Variants in SLC5A2 observed in about 807,000 individuals in gnomAD.
SLC5A2 encodes the protein solute carrier family 5 member 2, also known as sodium/glucose cotransporter 2.
SLC5A2 carries 67 observed loss-of-function variants against 69.0 expected under a neutral mutation model. The ratio of observed to expected loss-of-function variants is 0.97; its 90% CI spans 0.80 to 1.19. The LOEUF (loss-of-function observed/expected upper bound fraction) is 1.19, where lower values mean the gene tolerates loss of function less well. SLC5A2 is among the 50% of genes most tolerant of loss of function. The pLI, the probability that SLC5A2 is intolerant of heterozygous loss-of-function variation, is 0.00. For missense variants in SLC5A2, 1,001 were observed against 921.5 expected (o/e 1.09, Z -1.12); for synonymous variants, 455 against 395.8 (o/e 1.15, Z -1.78).
rs1798759878 is a variant in SLC5A2, at chr16:31,487,763, C to T, written c.885+4C>T. On this transcript the variant is annotated splice_donor_region_variant and intron_variant, in intron 7 of 13. Transcript: ENST00000330498. Reference sequence around the variant, plus strand: ...CTGGTACTGGTGCAGCGACCAGGTGCGGGTATAGGGCTGCGCCTGCAGTGA... The same window carrying T: ...CTGGTACTGGTGCAGCGACCAGGTGTGGGTATAGGGCTGCGCCTGCAGTGA... 1 of 1,605,866 alleles carries T rather than the reference C, an allele frequency of 6.2e-7. No homozygotes were observed. The highest frequency in any genetic ancestry group is 8.5e-7 in the Non-Finnish European group (1 of 1,177,856).
chr16:31,490,431 C>T lies in SLC5A2; in HGVS notation c.1915C>T (p.Arg639Trp), dbSNP rs139986790. The change falls in exon 14 of 14, where the codon CGG becomes TGG. Residue 639 changes from arginine (R) to tryptophan (W), a missense_variant. By Grantham distance (101) the Arg-to-Trp change is moderately radical. Transcript: ENST00000330498. ...TQEEAAAAAR[R>W]LEDISEDPSW... ...GGAGGAGGCAGCGGCAGCAGCCAGGCGGCTGGAGGACATCAGCGAGGACCC... is the reference window on the plus strand; with the variant it reads ...GGAGGAGGCAGCGGCAGCAGCCAGGTGGCTGGAGGACATCAGCGAGGACCC... The T allele has an allele frequency of 1.5e-5, 25 of 1,613,590 alleles. No homozygotes were observed. The African/African-American group carries it at 1.7e-4, about 11-fold the overall frequency.
chr16:31,488,610 G>C lies in SLC5A2; in HGVS notation c.1130-12G>C. On this transcript the variant is annotated splice_polypyrimidine_tract_variant and intron_variant, in intron 9 of 13. Coordinates refer to ENST00000330498, the MANE Select transcript of SLC5A2 (RefSeq NM_003041.4). ...CAGTGGCCCCAGCCTCACGGCTGCC[G>C]TCGGCCCGCAGGTCTGCGCGGACTC... 1 of 1,609,462 alleles carries C rather than the reference G, an allele frequency of 6.2e-7. No homozygotes were observed.
rs2082468663 is a variant in SLC5A2, at chr16:31,483,132, G to C, written c.-5G>C. The C allele has an allele frequency of 1.9e-6, 3 of 1,613,942 alleles. No homozygotes were observed. Among genetic ancestry groups the C allele is most frequent in the Non-Finnish European group, 2.5e-6 (3 of 1,180,016 alleles). On this transcript the variant is annotated 5_prime_UTR_variant, in exon 1 of 14. Coordinates refer to ENST00000330498, the MANE Select transcript of SLC5A2 (RefSeq NM_003041.4). ...GGTTCCTGGATGGGGCAGATCCTGG[G>C]GAGAATGGAGGAGCACACAGAGGCA...
rs1228648834 is a variant in SLC5A2, at chr16:31,486,208, T to C, written c.507T>C (p.Ala169=). Reference sequence around the variant, plus strand: ...CCGGAGCTGTATTCATCCAGCAGGCTCTGGGCTGGAACATCTATGCCTCCG... The same window carrying C: ...CCGGAGCTGTATTCATCCAGCAGGCCCTGGGCTGGAACATCTATGCCTCCG... ...MFSGAVFIQQ[A]LGWNIYASVI... The change falls in exon 5 of 14, where the codon GCT becomes GCC. Residue 169 remains alanine (A), a synonymous_variant. Coordinates refer to ENST00000330498, the MANE Select transcript of SLC5A2 (RefSeq NM_003041.4). 4 of 1,613,826 alleles carry C rather than the reference T, an allele frequency of 2.5e-6. No individual in the cohort carries two copies. The highest frequency in any genetic ancestry group is 3.4e-6 in the Non-Finnish European group (4 of 1,179,838).
chr16:31,488,946 C>G lies in SLC5A2; in HGVS notation c.1347C>G (p.Gly449=), dbSNP rs1178796669. Residue 449 remains glycine, a synonymous_variant, in exon 11 of 14, where the codon GGC becomes GGG. Coordinates refer to ENST00000330498, the MANE Select transcript of SLC5A2 (RefSeq NM_003041.4). ...TTCCCGTGGTGCAGGCGGCACAGGGCGGGCAGCTCTTCGATTACATCCAGG... is the reference window on the plus strand; with the variant it reads ...TTCCCGTGGTGCAGGCGGCACAGGGGGGGCAGCTCTTCGATTACATCCAGG... The part of the protein sequence containing the change: ...AWLPVVQAAQ[G]GQLFDYIQAV... The G allele has an allele frequency of 6.2e-7, 1 of 1,603,828 alleles. No homozygotes were observed. The highest frequency in any genetic ancestry group is 2.2e-5 in the East Asian group (1 of 44,864).
intron 10 of SLC5A2, 34 bp from the exon 11 acceptor site, chr16:31,488,846 G>A: frequency 6.2e-7 from 1 of 1,602,526 alleles, no homozygotes. Context: ...GGGGAGCCCA[G>A]GGTCCGGGTT....
At chr16:31,484,770 G>T (rs751436151) in intron 2 of SLC5A2, 26 bp downstream of exon 2, 4 of 1,611,072 alleles carry the variant, frequency 2.5e-6, no homozygotes, top group Non-Finnish European at 3.4e-6. Flanking sequence ...CCGGGAACGG[G>T]AGGGGCCTGG....
At position 31,490,448 on chromosome 16, in the gene SLC5A2, C is replaced by G. The variant is rs752629971; in HGVS notation, c.1932C>G (p.Ser644Arg). The change falls in exon 14 of 14, where the codon AGC becomes AGG. Residue 644 changes from serine (S) to arginine (R), a missense_variant. Transcript: ENST00000330498. ...CAGCCAGGCGGCTGGAGGACATCAG[C>G]GAGGACCCGAGCTGGGCCCGTGTGG... ...AAAARRLEDI[S>R]EDPSWARVVN... 6.2e-7 allele frequency: 1 copy of G among 1,613,880 alleles called. No individual in the cohort carries two copies. Among genetic ancestry groups the G allele is most frequent in the Non-Finnish European group, 8.5e-7 (1 of 1,179,962 alleles).
chr16:31,488,285 G>A, intron 8 of SLC5A2, 98 bp from the exon 9 acceptor site: 1 of 1,600,344 alleles, frequency 6.2e-7, no homozygotes, highest in Admixed American at 1.7e-5. Context: ...CCTCCCTCCG[G>A]GGGTCGCACG....
chr16:31,489,403 T>C, intron 12 of SLC5A2, 65 bp downstream of exon 12: 1 of 1,462,754 alleles, frequency 6.8e-7, no homozygotes. Context: ...CTTCCTGGAG[T>C]GCCCAGCTGG....
At chr16:31,490,267 T>C (rs754752147) in intron 13 of SLC5A2, 37 bp downstream of exon 13, 2 of 1,613,892 alleles carry the variant, frequency 1.2e-6, no homozygotes, top group Non-Finnish European at 1.7e-6. Flanking sequence ...CTGGAGGAGC[T>C]GAGTTCCCGC....
In SLC5A2 at chr16:31,490,402, C is replaced by A. The variant is rs767260986; in HGVS notation, c.1886C>A (p.Thr629Asn). 21 of 1,613,538 alleles carry A rather than the reference C, an allele frequency of 1.3e-5. No individual in the cohort carries two copies. Among genetic ancestry groups the A allele is most frequent in the Non-Finnish European group, 1.8e-5 (21 of 1,179,892 alleles). Residue 629 changes from threonine (T) to asparagine (N), a missense_variant, in exon 14 of 14, where the codon ACC (threonine) becomes AAC (asparagine). Transcript: ENST00000330498. Reference protein sequence around the residue: ...RGGVGSPPPLTQEEAAAAARR... With the variant: ...RGGVGSPPPLNQEEAAAAARR... The stretch of plus-strand genomic sequence containing the variant: ...GGGGTGGGCAGTCCTCCGCCCCTTA[C>A]CCAGGAGGAGGCAGCGGCAGCAGCC...
At position 31,490,413 on chromosome 16, in the gene SLC5A2, G is replaced by C; in HGVS notation, c.1897G>C (p.Ala633Pro). ...GSPPPLTQEE[A>P]AAAARRLEDI... ...TCCTCCGCCCCTTACCCAGGAGGAGGCAGCGGCAGCAGCCAGGCGGCTGGA... is the reference window on the plus strand; with the variant it reads ...TCCTCCGCCCCTTACCCAGGAGGAGCCAGCGGCAGCAGCCAGGCGGCTGGA... The change falls in exon 14 of 14, where the codon GCA (alanine) becomes CCA (proline). Residue 633 changes from alanine (A) to proline (P), a missense_variant. Coordinates refer to ENST00000330498, the MANE Select transcript of SLC5A2 (RefSeq NM_003041.4). The C allele has an allele frequency of 6.2e-7, 1 of 1,613,500 alleles. No individual in the cohort carries two copies. Among genetic ancestry groups the C allele is most frequent in the Non-Finnish European group, 8.5e-7 (1 of 1,179,892 alleles).
At chr16:31,485,464 T>C in intron 3 of SLC5A2, 2 of 566,026 alleles carry the variant, frequency 3.5e-6, no homozygotes, top group Non-Finnish European at 6.3e-6. Context: ...GGTTCATATC[T>C]AGATGATCAT....
rs2082538201 is a variant in SLC5A2 at position 31,489,363 on chromosome 16, A to G, written c.1665+25A>G. 1.9e-6 allele frequency: 3 copies of G among 1,595,316 alleles called. No homozygotes were observed. In the South Asian group the frequency reaches 3.3e-5, roughly 18 times the overall value. ...CGTGAGTGGCCAGGTGCCCCAGGCAAGCACTGTGGGACACAGCACCTACCC... is the reference window on the plus strand; with the variant it reads ...CGTGAGTGGCCAGGTGCCCCAGGCAGGCACTGTGGGACACAGCACCTACCC... On this transcript the variant is annotated intron_variant, in intron 12 of 13. Coordinates refer to ENST00000330498, the MANE Select transcript of SLC5A2 (RefSeq NM_003041.4).
rs543496425 is a variant in SLC5A2 at position 31,489,320 on chromosome 16, G to T, written c.1647G>T (p.Ala549=). ...CCCTCACGGTCTCCCTGTGCACCGC[G>T]CCCATCCCCAGAAAGCACGTGAGTG... ...LLTLTVSLCT[A]PIPRKHLHRL... is the part of the protein sequence containing the mutation. The change falls in exon 12 of 14, where the codon GCG becomes GCT. Residue 549 remains alanine (A), a synonymous_variant. Transcript: ENST00000330498. The T allele has an allele frequency of 1.2e-6, 2 of 1,608,910 alleles. No individual in the cohort carries two copies.
At chr16:31,484,569 T>G in intron 1 of SLC5A2, 104 bp from the exon 2 acceptor site, 1 of 1,291,252 alleles carries the variant, frequency 7.7e-7, no homozygotes, top group African/African-American at 1.4e-5. Flanking sequence ...GAAACTTGGC[T>G]CGTTAATCTT....
Position 31,490,737 on chromosome 16 carries a change from C to CA in SLC5A2, c.*202_*203insA, listed in dbSNP as rs1343081690. 2 of 1,406,562 alleles carry CA rather than the reference C, an allele frequency of 1.4e-6. No individual in the cohort carries two copies. The highest frequency in any genetic ancestry group is 3.4e-5 in the Admixed American group (2 of 58,476). The allele number at this position is 1,406,562 out of a possible 1,614,324, so 87.1% of individuals were successfully genotyped here. A position where few individuals can be genotyped will look rare whatever the true frequency, so the allele number is the denominator to read the frequency against. The stretch of plus-strand genomic sequence containing the variant: ...GGCCTGGCCCACCCGCTGCAGTTGC[C>CA]CTAAGGAAAAATAAAGCTGCCTTTC... On this transcript the variant is annotated 3_prime_UTR_variant, in exon 14 of 14. Coordinates refer to ENST00000330498, the MANE Select transcript of SLC5A2 (RefSeq NM_003041.4).
chr16:31,485,242 G>A lies in SLC5A2; in HGVS notation c.303+319G>A, dbSNP rs1253658812. On this transcript the variant is annotated intron_variant, in intron 3 of 13. Coordinates refer to ENST00000330498, the MANE Select transcript of SLC5A2 (RefSeq NM_003041.4). ...GGAAGCACCTGCTCAGATGCGCTCC[G>A]AAGCTGTGGTCTGTGAGGAATTTGG... The A allele has an allele frequency of 2.7e-5, 14 of 511,284 alleles. 1 individual carries two copies. The highest frequency in any genetic ancestry group is 5.4e-4 in the Middle Eastern group (1 of 1,854). 31.7% of individuals were successfully genotyped at this position (511,284 alleles called of 1,614,324 possible).
Sources: gnomAD v4.1 joint callset for allele counts on GRCh38, gnomAD v4.1.1 for gene constraint, MANE v1.5 for transcripts, NCBI Gene and HGNC (gene_info 2026-07-23, HGNC 2026-07-21) for gene names.